WNT3: variants seen among roughly 807,000 people sequenced by gnomAD.
WNT3 encodes Wnt family member 3.
In WNT3, 7 loss-of-function variants were observed where a neutral mutation model predicts 34.2. The ratio of observed to expected loss-of-function variants is 0.20; its 90% CI spans 0.12 to 0.38. The LOEUF (loss-of-function observed/expected upper bound fraction) is 0.38, where lower values mean the gene tolerates loss of function less well. WNT3 is among the 10% of genes least tolerant of loss of function. The probability of loss-of-function intolerance (pLI) is 1.00; values close to 1 mark genes in which losing one functional copy is unlikely to be tolerated. For missense variants in WNT3, 267 were observed against 499.8 expected, an observed-to-expected ratio of 0.53 and a Z score of 4.44; for synonymous variants, 212 against 211.5, an observed-to-expected ratio of 1.00 and a Z score of -0.02.
At chr17:46,798,000 C>T (rs2084075932) in intron 1 of WNT3, among the ~76,000 whole-genome samples, 1 of 152,196 alleles carries the variant, frequency 6.6e-6, no homozygotes, top group South Asian at 2.1e-4. Context: ...GTGATCCCGG[C>T]TCTCTGCAAC....
At chr17:46,814,876 C>A (rs1463046086) in intron 1 of WNT3, among the ~76,000 whole-genome samples, 1 of 152,182 alleles carries the variant, frequency 6.6e-6, no homozygotes, top group Non-Finnish European at 1.5e-5. Flanking sequence ...AGGTCTTAGG[C>A]AGGTGCTCGA....
Position 46,769,923 on chromosome 17 carries a change from C to G in WNT3, c.448G>C (p.Gly150Arg). 1 of 1,613,488 alleles carries G rather than the reference C, an allele frequency of 6.2e-7. No homozygotes were observed. ...CAGCCGCCCCACTTCCAGCCTTCGC[C>G]AGGCGGCCCCTTATGATGCGAGTCA... ...GCDSHHKGPP[G>R]EGWKWGGCSE... The change falls in exon 3 of 5, where the codon GGC (glycine) becomes CGC (arginine). Residue 150 changes from glycine to arginine, a missense_variant. Physicochemically the swap from Gly to Arg is moderately radical, Grantham distance 125. This residue lies in a region of WNT3 where 181 missense variants were observed against 391.3 expected (regional missense o/e 0.46). Coordinates refer to ENST00000225512, the MANE Select transcript of WNT3 (RefSeq NM_030753.5).
intron 1 of WNT3, among the ~76,000 whole-genome samples, chr17:46,790,668 G>A (rs983065068): frequency 2.6e-5 from 4 of 152,216 alleles, no homozygotes; most frequent in Admixed American, 6.5e-5. Flanking sequence ...CTCTCCCGAA[G>A]TAGCCCTCCC....
intron 1 of WNT3, among the ~76,000 whole-genome samples, chr17:46,792,613 A>G (rs1385186038): frequency 6.6e-6 from 1 of 152,104 alleles, no homozygotes; most frequent in Non-Finnish European, 1.5e-5. Context: ...AGCTGGGACT[A>G]TAGGTGCATG....
intron 1 of WNT3, among the ~76,000 whole-genome samples, chr17:46,800,907 A>AAACT (rs1417670468): frequency 1.3e-5 from 2 of 152,216 alleles, no homozygotes; most frequent in African/African-American, 4.8e-5. Context: ...AAGACTGAAC[A>AAACT]GGAGTTTGTA....
At chr17:46,770,592 A>C (rs2146376719) in intron 2 of WNT3, among the ~76,000 whole-genome samples, 1 of 152,194 alleles carries the variant, frequency 6.6e-6, no homozygotes, top group East Asian at 1.9e-4. Context: ...CCCTTTTTGT[A>C]AAATGGACAC....
intron 3 of WNT3, among the ~76,000 whole-genome samples, chr17:46,769,493 C>A (rs1008772484): frequency 5.1e-4 from 77 of 152,286 alleles, no homozygotes; most frequent in African/African-American, 1.6e-3. Context: ...CCCTACACCG[C>A]GTGCCAAGGT....
At chr17:46,777,367 C>T (rs1403549219) in intron 1 of WNT3, among the ~76,000 whole-genome samples, 1 of 152,272 alleles carries the variant, frequency 6.6e-6, no homozygotes, top group East Asian at 1.9e-4. Flanking sequence ...ACCCAGCTCT[C>T]CAAGGGGCTC....
At position 46,768,911 on chromosome 17, in the gene WNT3, C is replaced by T; in HGVS notation, c.589-112G>A. The T allele has an allele frequency of 6.8e-7, 1 of 1,479,106 alleles. No homozygotes were observed. The highest frequency in any genetic ancestry group is 9.0e-7 in the Non-Finnish European group (1 of 1,106,692). The allele number at this position is 1,479,106 out of a possible 1,614,324, so 91.6% of individuals were successfully genotyped here. A position where few individuals can be genotyped will look rare whatever the true frequency, so the allele number is the denominator to read the frequency against. On this transcript the variant is annotated intron_variant, in intron 3 of 4. Transcript: ENST00000225512. This position sits in a 1 kb window ranked among gnomAD's most constrained non-coding sequence, Gnocchi z 5.0. ...CTTCCCTCCAGCCTTCTCTACTCCT[C>T]TGTGACAGGAAGAGAACTGATGGGG...
intron 1 of WNT3, among the ~76,000 whole-genome samples, chr17:46,782,072 G>A (rs538391063): frequency 1.3e-5 from 2 of 152,200 alleles, no homozygotes; most frequent in East Asian, 1.9e-4. Context: ...CAGGGGCTGC[G>A]GCCCAGGGAA....
At chr17:46,781,625 A>G (rs990975417) in intron 1 of WNT3, among the ~76,000 whole-genome samples, 9 of 152,338 alleles carry the variant, frequency 5.9e-5, no homozygotes, top group African/African-American at 1.9e-4. Context: ...CTTAATAAGT[A>G]CAGAGTTTGG....
chr17:46,818,481 G>C lies in WNT3; in HGVS notation c.80+37C>G, dbSNP rs529030296. On this transcript the variant is annotated intron_variant, in intron 1 of 4. Transcript: ENST00000225512. ...CCCCACCTTCCCCGGACGCGGCGGA[G>C]AAACCGGGCCGCGGGCAGACAAGAG... 4.4e-6 allele frequency: 7 copies of C among 1,577,506 alleles called. No individual in the cohort carries two copies. The African/African-American group carries it at 8.1e-5, about 18-fold the overall frequency.
In WNT3 at chr17:46,768,270, C is replaced by T. The variant is rs890200909; in HGVS notation, c.*8+42G>A. 5 of 1,610,944 alleles carry T rather than the reference C, an allele frequency of 3.1e-6. No homozygotes were observed. Among genetic ancestry groups the T allele is most frequent in the South Asian group, 2.2e-5 (2 of 90,998 alleles). ...GATGGGCAAACAACCCCATTCCCTG[C>T]GCCCAGGCTCCCAGCCTCCCCCCTG... On this transcript the variant is annotated intron_variant, in intron 4 of 4. Transcript: ENST00000225512. This position sits in a 1 kb window ranked among gnomAD's most constrained non-coding sequence, Gnocchi z 5.0.
chr17:46,805,177 A>C (rs1374238731), intron 1 of WNT3, among the ~76,000 whole-genome samples: 1 of 151,640 alleles, frequency 6.6e-6, no homozygotes, highest in East Asian at 1.9e-4. Context: ...GCAAACTGGA[A>C]CCCTACCCCT....
intron 1 of WNT3, among the ~76,000 whole-genome samples, chr17:46,798,820 C>T (rs1187122858): frequency 1.3e-5 from 2 of 152,160 alleles, no homozygotes; most frequent in African/African-American, 2.4e-5. Flanking sequence ...GAGGCCAAGG[C>T]GGGTGGATCA....
chr17:46,803,393 G>T (rs945974489), intron 1 of WNT3, among the ~76,000 whole-genome samples: 2 of 152,172 alleles, frequency 1.3e-5, no homozygotes, highest in African/African-American at 4.8e-5. Flanking sequence ...ACTTAGCCAG[G>T]TGTGGCGGTG....
chr17:46,764,208 G>C lies in WNT3; in HGVS notation c.*422C>G, dbSNP rs1400700757. ...CTCCAGGCGTCTTGGAATGTCACCA[G>C]AAGCAGCAGTTTGGAAACAGAACCT... is the stretch of plus-strand genomic sequence containing the variant. On this transcript the variant is annotated 3_prime_UTR_variant, in exon 5 of 5. Transcript: ENST00000225512. 1 of 152,610 alleles carries C rather than the reference G, an allele frequency of 6.6e-6. No individual in the cohort carries two copies. The highest frequency in any genetic ancestry group is 2.4e-5 in the African/African-American group (1 of 41,476). 9.5% of individuals were successfully genotyped at this position (152,610 alleles called of 1,614,324 possible).
intron 3 of WNT3, among the ~76,000 whole-genome samples, chr17:46,769,570 C>T (rs971594150): frequency 6.6e-6 from 1 of 152,038 alleles, no homozygotes; most frequent in South Asian, 2.1e-4. Context: ...CGACTCATCC[C>T]GGGTGGGGTG....
intron 1 of WNT3, among the ~76,000 whole-genome samples, chr17:46,784,639 C>G (rs948852123): frequency 6.6e-6 from 1 of 152,182 alleles, no homozygotes; most frequent in Non-Finnish European, 1.5e-5. Context: ...GCCCAGCCAA[C>G]ACTGGCAGCA....
Sources: gnomAD v4.1 joint callset for allele counts (sites outside exome capture counted in the v4.1 genomes callset) on GRCh38, gnomAD v4.1.1 for gene constraint, gnomAD v4.1.1 regional missense constraint, Gnocchi (gnomAD v3.1) non-coding constraint, MANE v1.5 for transcripts, NCBI Gene and HGNC (gene_info 2026-07-23, HGNC 2026-07-21) for gene names.